The following MYL6B variants were observed in gnomAD, a reference collection of about 807,000 sequenced individuals.
The protein encoded by MYL6B is myosin light chain 6B, also known as myosin alkali light chain 1 slow a.
A neutral mutation model predicts 24.5 loss-of-function variants in MYL6B; 19 were observed. That is an observed-to-expected ratio of 0.78 (90% CI 0.54 to 1.14). The LOEUF is 1.14. MYL6B is among the 50% of genes most tolerant of loss of function. MYL6B has a pLI of 0.00. For synonymous variants in MYL6B, 90 were observed against 100.7 expected (o/e 0.89, Z 0.64); for missense variants, 230 against 263.8 (o/e 0.87, Z 0.89).
chr12:56,153,499 C>T (rs113675888), intron 1 of MYL6B: 19 of 987,496 alleles, frequency 1.9e-5, no homozygotes, highest in African/African-American at 1.9e-4. Flanking sequence ...ACACAAGCCT[C>T]CCTGGCTGCT....
intron 1 of MYL6B, among the ~76,000 whole-genome samples, chr12:56,153,102 TC>T (rs955841256): frequency 5.3e-5 from 8 of 151,910 alleles, no homozygotes; most frequent in African/African-American, 1.9e-4. Context: ...CACCAAAGGG[TC>T]CCCACAGGTT....
In MYL6B at chr12:56,155,131, G is replaced by A. The variant is rs147053511; in HGVS notation, c.279G>A (p.Met93Ile). 15 of 1,614,020 alleles carry A rather than the reference G, an allele frequency of 9.3e-6. No individual in the cohort carries two copies. In the African/African-American group the frequency reaches 1.7e-4, roughly 19 times the overall value. ...TGTACAGCCAGTGTGGGGACGTGAT[G>A]AGGGCCCTGGGCCAGAACCCCACCA... is the stretch of plus-strand genomic sequence containing the variant. Residue 93 changes from methionine to isoleucine, a missense_variant, in exon 4 of 7, where the codon ATG becomes ATA. Transcript: ENST00000553066.
chr12:56,153,601 A>T (rs1027735034), intron 1 of MYL6B: 2 of 442,888 alleles, frequency 4.5e-6, no homozygotes, highest in Non-Finnish European at 6.2e-6. Context: ...CAAGCATCCT[A>T]TCCTCACCCT....
Position 56,155,526 on chromosome 12 carries a change from G to C in MYL6B, c.454G>C (p.Val152Leu), listed in dbSNP as rs771355820. 1.9e-5 allele frequency: 30 copies of C among 1,613,966 alleles called. No homozygotes were observed. The highest frequency in any genetic ancestry group is 2.3e-5 in the Non-Finnish European group (27 of 1,180,040). The change falls in exon 5 of 7, where the codon GTG becomes CTG. Residue 152 changes from valine (V) to leucine (L), a missense_variant. Transcript: ENST00000553066. ...TGAGGACTACTTGGAGGGGTTTCGT[G>C]TGTTTGACAAGGAGGGGAACGGCAA... is the stretch of plus-strand genomic sequence containing the variant.
intron 5 of MYL6B, chr12:56,156,108 C>G (rs1871292802): frequency 2.5e-6 from 2 of 800,544 alleles, no homozygotes; most frequent in Non-Finnish European, 3.1e-6. Context: ...GAGTTCGAGA[C>G]CGGCCTGGCC....
chr12:56,156,323 G>T (rs548801750), intron 5 of MYL6B: 1 of 143,882 alleles, frequency 7.0e-6, no homozygotes, highest in East Asian at 2.0e-4. Flanking sequence ...AAAAAAAAAA[G>T]GCCAGACACG....
Position 56,154,503 on chromosome 12 carries a change from C to A in MYL6B, c.175-310C>A, listed in dbSNP as rs1044514596. Among the ~76,000 whole-genome samples the A allele has an allele frequency of 2.0e-5, 3 of 152,210 alleles. No homozygotes were observed. In the South Asian group the frequency reaches 6.2e-4, roughly 32 times the overall value. On this transcript the variant is annotated intron_variant, in intron 2 of 6. Transcript: ENST00000553066. The stretch of plus-strand genomic sequence containing the variant: ...GGACAGACTTGTTAGACAATCACAG[C>A]TGGGGGCCAGGGGTAAATTTAGCCT...
exon 2 of MYL6B, chr12:56,154,022 A>C: frequency 6.2e-7 from 1 of 1,614,082 alleles, no homozygotes; most frequent in Non-Finnish European, 8.5e-7. Flanking sequence ...GCCAAGACCA[A>C]AGCTGAGCCA....
At chr12:56,157,756 C>T (rs372394940) in exon 7 of MYL6B, 3 of 1,608,534 alleles carry the variant, frequency 1.9e-6, no homozygotes, top group African/African-American at 1.3e-5. Context: ...CCCACCCCTT[C>T]GCCGCGCCTT....
At chr12:56,157,710 A>G (rs1358751384) in exon 7 of MYL6B, 7 of 1,612,678 alleles carry the variant, frequency 4.3e-6, no homozygotes, top group Non-Finnish European at 5.9e-6. Context: ...TTCTTGAAAC[A>G]CATCCTAAGC....
At chr12:56,154,485 C>G (rs577461838) in intron 2 of MYL6B, among the ~76,000 whole-genome samples, 1 of 152,234 alleles carries the variant, frequency 6.6e-6, no homozygotes, top group African/African-American at 2.4e-5. Context: ...AGAGGACAGA[C>G]TTGTTAGACA....
At chr12:56,155,783 TC>T in intron 5 of MYL6B, 191 bp downstream of exon 5, 1 of 1,511,820 alleles carries the variant, frequency 6.6e-7, no homozygotes, top group East Asian at 2.5e-5. Flanking sequence ...TAAAGTGCCA[TC>T]CGGAGGGCAG....
intron 4 of MYL6B, 81 bp downstream of exon 4, chr12:56,155,279 C>T: frequency 6.4e-7 from 1 of 1,559,426 alleles, no homozygotes; most frequent in Non-Finnish European, 8.7e-7. Context: ...AGGTGGATCT[C>T]AGGACTTCAA....
exon 7 of MYL6B, chr12:56,157,798 A>G (rs1871398316): frequency 1.9e-6 from 3 of 1,565,246 alleles, no homozygotes; most frequent in South Asian, 1.1e-5. Flanking sequence ...TCTCTCAGCC[A>G]ACATAGAAAA....
chr12:56,157,908 C>T (rs1304793319), exon 7 of MYL6B: 8 of 666,464 alleles, frequency 1.2e-5, no homozygotes, highest in Non-Finnish European at 2.0e-5. Context: ...ACACTGGGCC[C>T]CGCAGGCGAA....
chr12:56,155,689 T>C, intron 5 of MYL6B, 97 bp downstream of exon 5: 1 of 1,590,722 alleles, frequency 6.3e-7, no homozygotes, highest in Non-Finnish European at 8.5e-7. Flanking sequence ...AGCAGGAGGC[T>C]TACTGTCCTG....
At chr12:56,152,869 C>T (rs1871154950) in intron 1 of MYL6B, among the ~76,000 whole-genome samples, 1 of 152,012 alleles carries the variant, frequency 6.6e-6, no homozygotes, top group Non-Finnish European at 1.5e-5. Flanking sequence ...CTAATTTACC[C>T]CAGAACAAAA....
chr12:56,157,576 G>A, intron 6 of MYL6B, 31 bp downstream of exon 6: 1 of 1,613,588 alleles, frequency 6.2e-7, no homozygotes, highest in Non-Finnish European at 8.5e-7. Flanking sequence ...GAGCGGGGCC[G>A]AGGGAGGAGG....
In MYL6B at chr12:56,157,659, G is replaced by A. The variant is rs200934038; in HGVS notation, c.599-39G>A. 16 of 1,613,330 alleles carry A rather than the reference G, an allele frequency of 9.9e-6. No individual in the cohort carries two copies. In the Admixed American group the frequency reaches 2.0e-4, roughly 20 times the overall value. On this transcript the variant is annotated intron_variant, in intron 6 of 6. Transcript: ENST00000553066. ...CTAGAGTCAGATGTATTATCCAAAG[G>A]CCTGCTTCTGAAGCCCCTCTTGCCT... is the stretch of plus-strand genomic sequence containing the variant.
Sources: allele counts gnomAD v4.1 joint callset (sites outside exome capture counted in the v4.1 genomes callset), GRCh38; gene constraint gnomAD v4.1.1; transcripts MANE v1.5; gene names NCBI Gene and HGNC (gene_info 2026-07-23, HGNC 2026-07-21).